The following ARHGAP35 variants were observed in gnomAD, a reference collection of about 807,000 sequenced individuals.
ARHGAP35 encodes rho GTPase-activating protein 35.
In ARHGAP35, 15 loss-of-function variants were observed where a neutral mutation model predicts 111.1. The ratio of observed to expected loss-of-function variants is 0.13; its 90% CI spans 0.09 to 0.21. The LOEUF (loss-of-function observed/expected upper bound fraction) is 0.21, where lower values mean the gene tolerates loss of function less well. Ranked by LOEUF, ARHGAP35 falls within the 10% of genes least tolerant of loss-of-function variation. The probability of loss-of-function intolerance (pLI) is 1.00; values close to 1 mark genes in which losing one functional copy is unlikely to be tolerated. For missense variants in ARHGAP35, 1,262 were observed against 1,873.0 expected, an observed-to-expected ratio of 0.67 and a Z score of 6.02; for synonymous variants, 643 against 710.3, an observed-to-expected ratio of 0.91 and a Z score of 1.51.
In ARHGAP35 at chr19:46,945,765, G is replaced by A. The variant is rs1028390312; in HGVS notation, c.3826+8357G>A. Among the ~76,000 whole-genome samples the A allele has an allele frequency of 6.6e-6, 1 of 152,058 alleles. No homozygotes were observed. Among genetic ancestry groups the A allele is most frequent in the African/African-American group, 2.4e-5 (1 of 41,390 alleles). The stretch of plus-strand genomic sequence containing the variant: ...TTTAACTAGAAATAGCATTCTCTAC[G>A]CATGCTTTCTTTGAATAATATGTGA... On this transcript the variant is annotated intron_variant, in intron 3 of 6. Transcript: ENST00000672722. The surrounding 1 kb of genome is among the most constrained non-coding windows in gnomAD (Gnocchi z 4.1).
At chr19:46,879,162 A>G (rs745588761) in intron 1 of ARHGAP35, among the ~76,000 whole-genome samples, 15 of 152,200 alleles carry the variant, frequency 9.9e-5, no homozygotes, top group Non-Finnish European at 1.8e-4. Context: ...CCATCTTAAA[A>G]AATTGCTGGG....
chr19:46,918,828 C>T lies in ARHGAP35; in HGVS notation c.153C>T (p.His51=). 6.2e-7 allele frequency: 1 copy of T among 1,613,984 alleles called. No homozygotes were observed. The highest frequency in any genetic ancestry group is 8.5e-7 in the Non-Finnish European group (1 of 1,179,892). ...RFVRPSADEF[H]LDHTSVLSTS... ...TGCGCCCGAGTGCTGACGAGTTTCA[C>T]TTGGACCATACCTCCGTCCTCAGCA... The change falls in exon 2 of 7, where the codon CAC becomes CAT. Residue 51 remains histidine, a synonymous_variant. Coordinates refer to ENST00000672722, the MANE Select transcript of ARHGAP35 (RefSeq NM_004491.5). The surrounding 1 kb of genome is among the most constrained non-coding windows in gnomAD (Gnocchi z 5.4).
In ARHGAP35 at chr19:46,986,281, G is replaced by T. The variant is rs975279970; in HGVS notation, c.3827-1708G>T. Among the ~76,000 whole-genome samples the T allele has an allele frequency of 6.6e-6, 1 of 152,184 alleles. No homozygotes were observed. Among genetic ancestry groups the T allele is most frequent in the African/African-American group, 2.4e-5 (1 of 41,428 alleles). On this transcript the variant is annotated intron_variant, in intron 3 of 6. Coordinates refer to ENST00000672722, the MANE Select transcript of ARHGAP35 (RefSeq NM_004491.5). The surrounding 1 kb of genome is among the most constrained non-coding windows in gnomAD (Gnocchi z 4.3). ...GACAGCTTGGAATCCACTCTAAGCT[G>T]AACAGTGCTCCTCTGCCCACGGTAG... is the stretch of plus-strand genomic sequence containing the variant.
intron 3 of ARHGAP35, among the ~76,000 whole-genome samples, chr19:46,964,193 A>T (rs2056500510): frequency 6.6e-6 from 1 of 152,140 alleles, no homozygotes; most frequent in Non-Finnish European, 1.5e-5. Flanking sequence ...TTATATGCCC[A>T]GACAAGATTA....
At chr19:46,889,909 G>T (rs547550527) in intron 1 of ARHGAP35, among the ~76,000 whole-genome samples, 1 of 152,196 alleles carries the variant, frequency 6.6e-6, no homozygotes, top group Admixed American at 6.5e-5. Flanking sequence ...GGCTAGACGT[G>T]CAGATTCTAA....
Position 46,908,582 on chromosome 19 carries a change from A to T in ARHGAP35, c.-188-9906A>T, listed in dbSNP as rs1679373846. Among the ~76,000 whole-genome samples the T allele has an allele frequency of 6.6e-6, 1 of 152,226 alleles. No individual in the cohort carries two copies. Among genetic ancestry groups the T allele is most frequent in the African/African-American group, 2.4e-5 (1 of 41,472 alleles). On this transcript the variant is annotated intron_variant, in intron 1 of 6. Coordinates refer to ENST00000672722, the MANE Select transcript of ARHGAP35 (RefSeq NM_004491.5). The surrounding 1 kb of genome is among the most constrained non-coding windows in gnomAD (Gnocchi z 4.2). Reference sequence around the variant, plus strand: ...TTTTGTCTTTGTTTATATTTGCCTTATACTTTGATCAGATAGCTTAATTAG... The same window carrying T: ...TTTTGTCTTTGTTTATATTTGCCTTTTACTTTGATCAGATAGCTTAATTAG...
intron 1 of ARHGAP35, among the ~76,000 whole-genome samples, chr19:46,894,250 G>GA (rs1399756580): frequency 6.6e-6 from 1 of 152,066 alleles, no homozygotes; most frequent in Non-Finnish European, 1.5e-5. Context: ...GGTGAACTTA[G>GA]AAAAAATAAC....
intron 3 of ARHGAP35, among the ~76,000 whole-genome samples, chr19:46,978,261 G>A (rs1254575014): frequency 4.6e-5 from 7 of 152,222 alleles, no homozygotes; most frequent in Admixed American, 1.3e-4. Context: ...TTAGGGAAGA[G>A]AGGCCAGGAA....
chr19:46,881,415 A>C (rs1276235482), intron 1 of ARHGAP35, among the ~76,000 whole-genome samples: 1 of 152,240 alleles, frequency 6.6e-6, no homozygotes, highest in African/African-American at 2.4e-5. Flanking sequence ...CATGGACTGC[A>C]GAATGGATGT....
intron 1 of ARHGAP35, among the ~76,000 whole-genome samples, chr19:46,863,418 G>T (rs2055839576): frequency 6.6e-6 from 1 of 152,168 alleles, no homozygotes; most frequent in Non-Finnish European, 1.5e-5. Context: ...AGTAGTGTGG[G>T]GGGAGGTAGA....
chr19:46,932,094 C>T (rs529303745), intron 2 of ARHGAP35, among the ~76,000 whole-genome samples: 17 of 152,126 alleles, frequency 1.1e-4, no homozygotes, highest in Non-Finnish European at 2.4e-4. Context: ...ACAGCCTGGC[C>T]AACATGGTGA....
chr19:46,961,934 AAG>A (rs757246560), intron 3 of ARHGAP35, among the ~76,000 whole-genome samples: 5 of 152,040 alleles, frequency 3.3e-5, no homozygotes, highest in African/African-American at 9.7e-5. Flanking sequence ...TGCCTCAAAA[AAG>A]AGAGAGAGAA....
chr19:46,962,322 A>G lies in ARHGAP35; in HGVS notation c.3826+24914A>G, dbSNP rs192725557. Among the ~76,000 whole-genome samples the G allele has an allele frequency of 2.2e-3, 335 of 152,354 alleles. 3 individuals carry two copies. The highest frequency in any genetic ancestry group is 3.8e-3 in the Admixed American group (58 of 15,302). ...AGGGTTTCTGAGAGCCTGTGCAAGAAGCCAGAGCCCTGGCCTGCCTTGCCA... is the reference window on the plus strand; with the variant it reads ...AGGGTTTCTGAGAGCCTGTGCAAGAGGCCAGAGCCCTGGCCTGCCTTGCCA... On this transcript the variant is annotated intron_variant, in intron 3 of 6. Coordinates refer to ENST00000672722, the MANE Select transcript of ARHGAP35 (RefSeq NM_004491.5).
Position 46,920,026 on chromosome 19 carries a change from C to G in ARHGAP35, c.1351C>G (p.Pro451Ala), listed in dbSNP as rs1313149398. Residue 451 changes from proline (P) to alanine (A), a missense_variant, in exon 2 of 7, where the codon CCT becomes GCT. Pro to Ala is a conservative substitution (Grantham distance 27). Transcript: ENST00000672722. This position sits in a 1 kb window ranked among gnomAD's most constrained non-coding sequence, Gnocchi z 7.0. ...ETSPFITPGK[P>A]WEEARSFIMN... ...TTCTCCTTTCATAACTCCCGGAAAG[C>G]CTTGGGAAGAGGCCCGTAGTTTTAT... 1.9e-6 allele frequency: 3 copies of G among 1,613,872 alleles called. No homozygotes were observed. Among genetic ancestry groups the G allele is most frequent in the African/African-American group, 2.7e-5 (2 of 74,988 alleles).
intron 5 of ARHGAP35, among the ~76,000 whole-genome samples, chr19:46,998,280 C>G (rs1038898276): frequency 2.6e-5 from 4 of 152,176 alleles, no homozygotes; most frequent in African/African-American, 4.8e-5. Context: ...TTTAACAGGC[C>G]TCTCTTCACC....
At chr19:46,982,372 G>T (rs955377775) in intron 3 of ARHGAP35, among the ~76,000 whole-genome samples, 1 of 152,002 alleles carries the variant, frequency 6.6e-6, no homozygotes, top group African/African-American at 2.4e-5. Flanking sequence ...AGCTACTCGG[G>T]AGGCTGAGCC....
chr19:47,000,327 G>A lies in ARHGAP35; in HGVS notation c.4143-4G>A, dbSNP rs780572024. The A allele has an allele frequency of 3.2e-5, 52 of 1,613,004 alleles. No homozygotes were observed. Among genetic ancestry groups the A allele is most frequent in the Non-Finnish European group, 4.1e-5 (48 of 1,179,412 alleles). On this transcript the variant is annotated splice_polypyrimidine_tract_variant and splice_region_variant and intron_variant, in intron 6 of 6. Coordinates refer to ENST00000672722, the MANE Select transcript of ARHGAP35 (RefSeq NM_004491.5). This position sits in a 1 kb window ranked among gnomAD's most constrained non-coding sequence, Gnocchi z 6.9. ...CTGACCATTGAGTTTGGTGTCGCCC[G>A]CAGGGTCAGCCACAACAACAAGGTG...
rs1482401403 is a variant in ARHGAP35, at chr19:46,918,931, T to G, written c.256T>G (p.Cys86Gly). 1 of 1,613,976 alleles carries G rather than the reference T, an allele frequency of 6.2e-7. No individual in the cohort carries two copies. The highest frequency in any genetic ancestry group is 1.7e-5 in the Admixed American group (1 of 60,010). ...AGAAGTTAGCCGCTCCCTGGAGGATTGTGTGGAATGTAAGATGCACATTGT... is the reference window on the plus strand; with the variant it reads ...AGAAGTTAGCCGCTCCCTGGAGGATGGTGTGGAATGTAAGATGCACATTGT... ...WGEVSRSLED[C>G]VECKMHIVEQ... The change falls in exon 2 of 7, where the codon TGT becomes GGT. Residue 86 changes from cysteine to glycine, a missense_variant. Physicochemically the swap from Cys to Gly is radical, Grantham distance 159 (BLOSUM62 -3). Around this residue, in one of 8 missense-constraint regions of ARHGAP35, gnomAD observed 125 missense variants for 301.7 expected, o/e 0.41. Coordinates refer to ENST00000672722, the MANE Select transcript of ARHGAP35 (RefSeq NM_004491.5). This position sits in a 1 kb window ranked among gnomAD's most constrained non-coding sequence, Gnocchi z 5.4.
intron 2 of ARHGAP35, among the ~76,000 whole-genome samples, chr19:46,928,550 G>A (rs1026388184): frequency 3.3e-5 from 5 of 152,030 alleles, no homozygotes; most frequent in African/African-American, 1.2e-4. Flanking sequence ...CCTCCTCGCT[G>A]TTTGGCTCCA....
Sources: allele counts gnomAD v4.1 joint callset (sites outside exome capture counted in the v4.1 genomes callset), GRCh38; gene constraint gnomAD v4.1.1; regional missense constraint gnomAD v4.1.1; non-coding constraint Gnocchi (gnomAD v3.1); transcripts MANE v1.5; gene names NCBI Gene and HGNC (gene_info 2026-07-23, HGNC 2026-07-21).